Variants in OSBPL6 observed in about 807,000 individuals in gnomAD.
OSBPL6 encodes oxysterol-binding protein-related protein 6.
In OSBPL6, 49 loss-of-function variants were observed where a neutral mutation model predicts 125.8. That is an observed-to-expected ratio of 0.39 (90% confidence interval 0.31 to 0.49). The LOEUF (loss-of-function observed/expected upper bound fraction) is 0.49. Among genes scored for constraint, OSBPL6 ranks in the 20% least tolerant of loss-of-function variants. OSBPL6 has a pLI of 0.88. For synonymous variants in OSBPL6, 394 were observed against 391.8 expected (o/e 1.01, Z -0.07); for missense variants, 986 against 1,135.4 (o/e 0.87, Z 1.89).
At chr2:178,368,568 T>C (rs908256957) in intron 13 of OSBPL6, among the ~76,000 whole-genome samples, 9 of 152,188 alleles carry the variant, frequency 5.9e-5, no homozygotes, top group African/African-American at 2.2e-4. Context: ...TGCATCATTA[T>C]CTACTTAAAA....
intron 1 of OSBPL6, among the ~76,000 whole-genome samples, chr2:178,218,405 A>T (rs1205624785): frequency 1.1e-5 from 1 of 93,280 alleles, no homozygotes; most frequent in Non-Finnish European, 1.9e-5. Context: ...AAAAAAAAAA[A>T]ATTAAAAAAA....
chr2:178,374,269 AC>A (rs1693666500), intron 15 of OSBPL6, among the ~76,000 whole-genome samples: 1 of 152,218 alleles, frequency 6.6e-6, no homozygotes, highest in Admixed American at 6.5e-5. Context: ...GAAAGAACCA[AC>A]ATTTATTGGA....
At chr2:178,329,979 G>A (rs1689055038) in intron 5 of OSBPL6, among the ~76,000 whole-genome samples, 1 of 152,174 alleles carries the variant, frequency 6.6e-6, no homozygotes, top group Non-Finnish European at 1.5e-5. Flanking sequence ...CCCTGTCTCT[G>A]AAAGTGCCTT....
At chr2:178,249,494 T>C (rs1400020074) in intron 1 of OSBPL6, among the ~76,000 whole-genome samples, 1 of 152,178 alleles carries the variant, frequency 6.6e-6, no homozygotes, top group Non-Finnish European at 1.5e-5. Flanking sequence ...TTTGTATATA[T>C]CTCTGATATG....
intron 2 of OSBPL6, among the ~76,000 whole-genome samples, chr2:178,299,495 A>G (rs1686078820): frequency 6.6e-6 from 1 of 151,836 alleles, no homozygotes; most frequent in Admixed American, 6.6e-5. Context: ...TTACTCTTCC[A>G]GATGAACTTA....
chr2:178,395,700 CT>C lies in OSBPL6; in HGVS notation c.*144del. On this transcript the variant is annotated 3_prime_UTR_variant, in exon 25 of 25. Coordinates refer to ENST00000190611, the MANE Select transcript of OSBPL6 (RefSeq NM_032523.4). Reference sequence around the variant, plus strand: ...CTTTTCTATTCATCTTTATAATGGACTTTCAGAAGTGCATTAGACAAGGCCC... The same window carrying C: ...CTTTTCTATTCATCTTTATAATGGACTTCAGAAGTGCATTAGACAAGGCCC... The C allele has an allele frequency of 3.7e-6, 2 of 536,372 alleles. No homozygotes were observed. The highest frequency in any genetic ancestry group is 3.4e-4 in the Middle Eastern group (1 of 2,908). The allele number at this position is 536,372 out of a possible 1,614,324, so 33.2% of individuals were successfully genotyped here.
intron 13 of OSBPL6, among the ~76,000 whole-genome samples, chr2:178,368,677 G>A (rs1693080640): frequency 6.6e-6 from 1 of 150,900 alleles, no homozygotes. Context: ...CTTTGGCTTT[G>A]AGTATTTGCC....
chr2:178,295,069 A>T (rs1457205692), intron 2 of OSBPL6, among the ~76,000 whole-genome samples: 1 of 152,102 alleles, frequency 6.6e-6, no homozygotes, highest in Non-Finnish European at 1.5e-5. Context: ...TTTGATGAAA[A>T]CAAGTTCCTC....
At chr2:178,312,063 C>G (rs28676734) in intron 3 of OSBPL6, among the ~76,000 whole-genome samples, 2 of 149,978 alleles carry the variant, frequency 1.3e-5, no homozygotes. Flanking sequence ...CTCACTGGAG[C>G]CTTTGCCACC....
chr2:178,308,247 C>T (rs1342669045), intron 3 of OSBPL6, among the ~76,000 whole-genome samples: 1 of 152,196 alleles, frequency 6.6e-6, no homozygotes, highest in African/African-American at 2.4e-5. Flanking sequence ...TTTTTCCTTC[C>T]TTATCTCAAT....
At chr2:178,194,206 T>A (rs528177151), upstream of OSBPL6, among the ~76,000 whole-genome samples, 55 of 152,172 alleles carry the variant, frequency 3.6e-4, no homozygotes, top group East Asian at 6.0e-3. Flanking sequence ...CTGCGGGTGA[T>A]CTCGGGACAC....
intron 1 of OSBPL6, among the ~76,000 whole-genome samples, chr2:178,280,641 A>G (rs931479561): frequency 6.6e-6 from 1 of 152,240 alleles, no homozygotes; most frequent in Non-Finnish European, 1.5e-5. Context: ...AAAATAGACA[A>G]TAATAGATTA....
chr2:178,331,040 C>T (rs531024541), intron 5 of OSBPL6, among the ~76,000 whole-genome samples: 1 of 152,278 alleles, frequency 6.6e-6, no homozygotes, highest in East Asian at 1.9e-4. Flanking sequence ...TTACTAAGCC[C>T]ACTTAAATTT....
intron 1 of OSBPL6, among the ~76,000 whole-genome samples, chr2:178,272,201 A>G (rs2092387125): frequency 6.6e-6 from 1 of 152,184 alleles, no homozygotes; most frequent in African/African-American, 2.4e-5. Context: ...TCCAAAAAGC[A>G]TTTCAGTTAC....
intron 5 of OSBPL6, among the ~76,000 whole-genome samples, chr2:178,331,217 T>G (rs1481257667): frequency 6.6e-6 from 1 of 152,192 alleles, no homozygotes; most frequent in East Asian, 1.9e-4. Flanking sequence ...CTGTGATCAT[T>G]TCTCACTTTG....
intron 1 of OSBPL6, among the ~76,000 whole-genome samples, chr2:178,196,785 T>C (rs779145418): frequency 9.9e-5 from 15 of 152,160 alleles, no homozygotes; most frequent in Non-Finnish European, 1.8e-4. Context: ...AAAAGAAGGA[T>C]TTTGTTGTTT....
chr2:178,254,843 A>G (rs748736657), intron 1 of OSBPL6, among the ~76,000 whole-genome samples: 5 of 152,318 alleles, frequency 3.3e-5, no homozygotes, highest in Non-Finnish European at 7.3e-5. Context: ...ATTCTCAAGG[A>G]GGTAGTGTAT....
chr2:178,214,635 A>C (rs1280337025), intron 1 of OSBPL6, among the ~76,000 whole-genome samples: 2 of 152,192 alleles, frequency 1.3e-5, no homozygotes, highest in Non-Finnish European at 2.9e-5. Flanking sequence ...TATGGACTTT[A>C]GTCACATCTA....
intron 1 of OSBPL6, among the ~76,000 whole-genome samples, chr2:178,227,954 T>A (rs1462447424): frequency 6.6e-6 from 1 of 152,190 alleles, no homozygotes; most frequent in Non-Finnish European, 1.5e-5. Flanking sequence ...GCAGCCTTCA[T>A]GACCCACATG....
Sources: allele counts gnomAD v4.1 joint callset (sites outside exome capture counted in the v4.1 genomes callset), GRCh38; gene constraint gnomAD v4.1.1; transcripts MANE v1.5; gene names NCBI Gene and HGNC (gene_info 2026-07-23, HGNC 2026-07-21).